The following ROBO1 variants were observed in gnomAD, a reference collection of about 807,000 sequenced individuals.
ROBO1 encodes roundabout homolog 1.
In ROBO1, 149 loss-of-function variants were observed where a neutral mutation model predicts 195.9. The ratio of observed to expected loss-of-function variants is 0.76; its 90% confidence interval spans 0.67 to 0.87. The LOEUF is 0.87. ROBO1 is among the 40% of genes least tolerant of loss of function. The pLI is 0.00. For synonymous variants in ROBO1, 816 were observed against 733.2 expected (o/e 1.11, Z -1.82); for missense variants, 1,933 against 2,068.3 (o/e 0.93, Z 1.27).
intron 9 of ROBO1, among the ~76,000 whole-genome samples, chr3:78,686,782 T>C (rs1330432249): frequency 6.6e-6 from 1 of 152,168 alleles, no homozygotes; most frequent in Non-Finnish European, 1.5e-5. Context: ...TCATAAAAGT[T>C]CCATAACCTA....
At chr3:78,945,250 C>G (rs1160428200) in intron 3 of ROBO1, among the ~76,000 whole-genome samples, 1 of 152,196 alleles carries the variant, frequency 6.6e-6, no homozygotes, top group East Asian at 1.9e-4. Flanking sequence ...CCCGAGTAGC[C>G]TAACTGGGAG....
intron 4 of ROBO1, among the ~76,000 whole-genome samples, chr3:78,866,362 T>C (rs978093734): frequency 6.6e-6 from 1 of 152,154 alleles, no homozygotes; most frequent in East Asian, 1.9e-4. Flanking sequence ...GTCCCTCGGA[T>C]CACCAGTGCC....
At chr3:79,628,776 C>T (rs1464325840) in intron 1 of ROBO1, among the ~76,000 whole-genome samples, 4 of 151,948 alleles carry the variant, frequency 2.6e-5, no homozygotes, top group African/African-American at 9.7e-5. Context: ...TAAAGGCACC[C>T]ACAGACTAAA....
chr3:79,075,439 A>C (rs2079156228), intron 3 of ROBO1, among the ~76,000 whole-genome samples: 1 of 152,014 alleles, frequency 6.6e-6, no homozygotes, highest in African/African-American at 2.4e-5. Flanking sequence ...GCAAAGTAGT[A>C]ACAAAATATG....
chr3:79,135,304 T>C (rs894455723), intron 2 of ROBO1, among the ~76,000 whole-genome samples: 5 of 152,154 alleles, frequency 3.3e-5, no homozygotes, highest in Admixed American at 6.5e-5. Flanking sequence ...ACTTTGATAA[T>C]TGATAGATCA....
intron 5 of ROBO1, among the ~76,000 whole-genome samples, chr3:78,721,003 T>C (rs2082031689): frequency 6.6e-6 from 1 of 151,262 alleles, no homozygotes; most frequent in South Asian, 2.1e-4. Flanking sequence ...ACGTAAATGA[T>C]GAGTTGATGG....
rs148575240 is a variant in ROBO1, at chr3:79,107,305, C to T, written c.172+18151G>A. Among the ~76,000 whole-genome samples, 343 of 151,800 alleles carry T rather than the reference C, an allele frequency of 2.3e-3. 3 individuals carry two copies. The highest frequency in any genetic ancestry group is 7.9e-3 in the African/African-American group (328 of 41,514). ...CCCTTTTGTGATAATATTGGCATCACATGTGAAGTGATGCGTTTCATATCA... is the reference window on the plus strand; with the variant it reads ...CCCTTTTGTGATAATATTGGCATCATATGTGAAGTGATGCGTTTCATATCA... On this transcript the variant is annotated intron_variant, in intron 3 of 30. Coordinates refer to ENST00000464233, the MANE Select transcript of ROBO1 (RefSeq NM_002941.4).
chr3:79,443,098 A>G (rs542491751), intron 2 of ROBO1, among the ~76,000 whole-genome samples: 1 of 152,300 alleles, frequency 6.6e-6, no homozygotes, highest in South Asian at 2.1e-4. Flanking sequence ...ATCTCTGCAC[A>G]TATGTATATT....
chr3:79,178,500 C>A (rs1271255461), intron 2 of ROBO1, among the ~76,000 whole-genome samples: 1 of 152,146 alleles, frequency 6.6e-6, no homozygotes, highest in Admixed American at 6.5e-5. Flanking sequence ...AAAGATATGG[C>A]TTTTGAATGA....
intron 2 of ROBO1, among the ~76,000 whole-genome samples, chr3:79,338,634 C>T (rs887739292): frequency 1.3e-5 from 2 of 152,100 alleles, no homozygotes; most frequent in Non-Finnish European, 2.9e-5. Flanking sequence ...AGGACATTGT[C>T]TCTCAGTTTT....
intron 2 of ROBO1, among the ~76,000 whole-genome samples, chr3:79,364,913 A>C (rs142916068): frequency 6.6e-6 from 1 of 152,204 alleles, no homozygotes; most frequent in African/African-American, 2.4e-5. Context: ...CCTGAAAGCC[A>C]TAAGACTACA....
chr3:78,654,491 C>T (rs1357840807), intron 18 of ROBO1, among the ~76,000 whole-genome samples: 1 of 152,194 alleles, frequency 6.6e-6, no homozygotes, highest in Non-Finnish European at 1.5e-5. Context: ...CTTCTTATCC[C>T]TAATACATTC....
intron 17 of ROBO1, among the ~76,000 whole-genome samples, chr3:78,657,993 C>A (rs928529772): frequency 2.0e-5 from 3 of 152,172 alleles, no homozygotes; most frequent in African/African-American, 7.2e-5. Flanking sequence ...ATGGGACTAT[C>A]AGTCCTTCAC....
At chr3:78,734,799 A>C (rs1222839234) in intron 5 of ROBO1, among the ~76,000 whole-genome samples, 6 of 152,170 alleles carry the variant, frequency 3.9e-5, no homozygotes, top group Admixed American at 3.9e-4. Context: ...ATTGTTTCCC[A>C]AAAGCACCAG....
intron 2 of ROBO1, among the ~76,000 whole-genome samples, chr3:79,444,846 T>C (rs1242109905): frequency 6.6e-6 from 1 of 152,044 alleles, no homozygotes; most frequent in African/African-American, 2.4e-5. Flanking sequence ...GAAGAAGTTA[T>C]GGAAGAACAT....
rs569703525 is a variant in ROBO1, at chr3:79,592,814, T to C, written c.-50-2853A>G. Among the ~76,000 whole-genome samples the C allele has an allele frequency of 5.3e-5, 8 of 152,204 alleles. No homozygotes were observed. In the South Asian group the frequency reaches 1.5e-3, roughly 28 times the overall value. On this transcript the variant is annotated intron_variant, in intron 1 of 30. Coordinates refer to ENST00000464233, the MANE Select transcript of ROBO1 (RefSeq NM_002941.4). ...TGTGCATTTTATGGGTTTGAACAAA[T>C]GTATATGACACATATCAAACATCAT... is the stretch of plus-strand genomic sequence containing the variant.
chr3:79,256,129 A>C (rs1336724019), intron 2 of ROBO1, among the ~76,000 whole-genome samples: 1 of 152,208 alleles, frequency 6.6e-6, no homozygotes, highest in Non-Finnish European at 1.5e-5. Context: ...GACTCCATGA[A>C]TCATGATAAC....
intron 2 of ROBO1, among the ~76,000 whole-genome samples, chr3:79,128,960 C>A (rs1456308699): frequency 6.6e-6 from 1 of 152,164 alleles, no homozygotes; most frequent in Non-Finnish European, 1.5e-5. Flanking sequence ...CAGATTTCAT[C>A]CTGTTCTTTT....
chr3:79,244,250 C>A (rs1363304626), intron 2 of ROBO1, among the ~76,000 whole-genome samples: 1 of 152,092 alleles, frequency 6.6e-6, no homozygotes, highest in African/African-American at 2.4e-5. Flanking sequence ...TCTCTCCTCC[C>A]CCTCTGACTA....
Sources: gnomAD v4.1 joint callset for allele counts (sites outside exome capture counted in the v4.1 genomes callset) on GRCh38, gnomAD v4.1.1 for gene constraint, MANE v1.5 for transcripts, NCBI Gene and HGNC (gene_info 2026-07-23, HGNC 2026-07-21) for gene names.